Variants in MERTK observed in about 807,000 individuals in gnomAD.
MERTK encodes tyrosine-protein kinase Mer.
In MERTK, 69 loss-of-function variants were observed where a neutral mutation model predicts 99.3. The ratio of observed to expected loss-of-function variants is 0.70; its 90% CI spans 0.57 to 0.85. The LOEUF is 0.85. Among genes scored for constraint, MERTK ranks in the 40% least tolerant of loss-of-function variants. The probability of loss-of-function intolerance (pLI) is 0.00; values close to 1 mark genes in which losing one functional copy is unlikely to be tolerated. For missense variants in MERTK, 1,125 were observed against 1,249.4 expected (o/e 0.90, Z 1.50); for synonymous variants, 426 against 467.6 (o/e 0.91, Z 1.15).
At chr2:111,991,946 TG>T (rs1676629170) in intron 8 of MERTK, among the ~76,000 whole-genome samples, 1 of 152,300 alleles carries the variant, frequency 6.6e-6, no homozygotes, top group East Asian at 1.9e-4. Flanking sequence ...CTATAATGTT[TG>T]GGCACTTTAG....
chr2:112,009,951 T>A lies in MERTK; in HGVS notation c.1964T>A (p.Val655Glu), dbSNP rs1573638319. Residue 655 changes from valine to glutamate, a missense_variant, in exon 15 of 19, where the codon GTG (valine) becomes GAG (glutamate). Val to Glu is a moderately radical substitution (Grantham distance 121). Coordinates refer to ENST00000295408, the MANE Select transcript of MERTK (RefSeq NM_006343.3). ...SHPNVIRLLG[V>E]CIEMSSQGIP... ...GATGCTGTGTTTGTAATTTCAGGTG[T>A]GTGTATAGAAATGAGCTCTCAAGGC... 1 of 1,603,894 alleles carries A rather than the reference T, an allele frequency of 6.2e-7. No individual in the cohort carries two copies. Among genetic ancestry groups the A allele is most frequent in the Non-Finnish European group, 8.5e-7 (1 of 1,170,764 alleles).
At chr2:111,980,412 CTTTTTT>C (rs34831521) in intron 7 of MERTK, among the ~76,000 whole-genome samples, 3 of 100,980 alleles carry the variant, frequency 3.0e-5, no homozygotes, top group African/African-American at 1.1e-4. Context: ...GCAACTATTT[CTTTTTT>C]TTTTTTTTTT....
Position 111,929,160 on chromosome 2 carries a change from A to G in MERTK, c.102A>G (p.Leu34=), listed in dbSNP as rs143215350. The stretch of plus-strand genomic sequence containing the variant: ...GGGAAGAAGCCAAGCCTTACCCGCT[A>G]TTCCCGGGACCTTTTCCAGGGAGCC... The part of the protein sequence containing the change: ...EAREEAKPYP[L]FPGPFPGSLQ... Residue 34 remains leucine, a synonymous_variant, in exon 2 of 19, where the codon CTA becomes CTG. Coordinates refer to ENST00000295408, the MANE Select transcript of MERTK (RefSeq NM_006343.3). The G allele has an allele frequency of 1.3e-3, 2,085 of 1,613,986 alleles. 29 individuals carry two copies. The African/African-American group carries it at 0.025, about 19-fold the overall frequency.
chr2:112,006,939 A>G (rs1676992071), intron 13 of MERTK, among the ~76,000 whole-genome samples: 2 of 152,228 alleles, frequency 1.3e-5, no homozygotes, highest in South Asian at 4.1e-4. Context: ...TAGACACTGC[A>G]TTAGATGCCC....
chr2:111,964,249 T>C (rs1216173225), intron 4 of MERTK, among the ~76,000 whole-genome samples: 1 of 152,174 alleles, frequency 6.6e-6, no homozygotes, highest in Non-Finnish European at 1.5e-5. Context: ...GATATTTTTT[T>C]CTTCTTTGGG....
At chr2:112,013,449 A>G (rs1261712345) in intron 15 of MERTK, 1 of 154,316 alleles carries the variant, frequency 6.5e-6, no homozygotes, top group Non-Finnish European at 1.5e-5. Flanking sequence ...CTCATTGTTC[A>G]CTCAATGCCT....
At chr2:111,905,723 C>A (rs1684125507) in intron 1 of MERTK, among the ~76,000 whole-genome samples, 1 of 152,140 alleles carries the variant, frequency 6.6e-6, no homozygotes, top group African/African-American at 2.4e-5. Context: ...CCCACCTCAG[C>A]CTCCCAAAGT....
rs139577858 is a variant in MERTK at position 111,899,595 on chromosome 2, G to T, written c.61+799G>T. Among the ~76,000 whole-genome samples the T allele has an allele frequency of 4.3e-3, 658 of 152,038 alleles. 5 individuals carry two copies. Among genetic ancestry groups the T allele is most frequent in the African/African-American group, 0.014 (562 of 41,454 alleles). On this transcript the variant is annotated intron_variant, in intron 1 of 18. Transcript: ENST00000295408. ...TGCCGCGGCGCGATCTCGGCTCACTGCAGGCTCCGCCTCCCGGGTTCAAGC... is the reference window on the plus strand; with the variant it reads ...TGCCGCGGCGCGATCTCGGCTCACTTCAGGCTCCGCCTCCCGGGTTCAAGC...
rs370677990 is a variant in MERTK at position 111,969,730 on chromosome 2, T to C, written c.960+1478T>C. Among the ~76,000 whole-genome samples the C allele has an allele frequency of 6.5e-3, 968 of 149,264 alleles. 13 individuals carry two copies. The highest frequency in any genetic ancestry group is 0.022 in the African/African-American group (902 of 40,400). The stretch of plus-strand genomic sequence containing the variant: ...TTTTTGAGACAGAGTCTCGCTCTGT[T>C]GCCCAGGCTGGAGTGCAGTGGCGCG... On this transcript the variant is annotated intron_variant, in intron 6 of 18. Coordinates refer to ENST00000295408, the MANE Select transcript of MERTK (RefSeq NM_006343.3).
intron 9 of MERTK, chr2:111,996,650 T>TA (rs1170598971): frequency 6.2e-6 from 1 of 161,376 alleles, no homozygotes; most frequent in East Asian, 1.8e-4. Context: ...AAGGTGAACT[T>TA]ATGCACATAC....
At chr2:111,942,875 A>G (rs191663871) in intron 2 of MERTK, among the ~76,000 whole-genome samples, 40 of 152,330 alleles carry the variant, frequency 2.6e-4, no homozygotes, top group African/African-American at 8.7e-4. Context: ...GACTGATGCC[A>G]TTGTTGAGCT....
At chr2:111,928,415 T>C (rs1454791157) in intron 1 of MERTK, among the ~76,000 whole-genome samples, 2 of 151,452 alleles carry the variant, frequency 1.3e-5, no homozygotes, top group South Asian at 4.2e-4. Flanking sequence ...TTTTTTTTTT[T>C]CGAACCTCAA....
At chr2:111,981,844 T>C (rs1676379662) in intron 7 of MERTK, among the ~76,000 whole-genome samples, 1 of 152,144 alleles carries the variant, frequency 6.6e-6, no homozygotes, top group South Asian at 2.1e-4. Flanking sequence ...GTGGCTGCAT[T>C]CTGAGCTCAG....
chr2:111,901,398 C>T (rs1004449850), intron 1 of MERTK, among the ~76,000 whole-genome samples: 1 of 152,052 alleles, frequency 6.6e-6, no homozygotes, highest in Non-Finnish European at 1.5e-5. Flanking sequence ...AAACATCTTC[C>T]CAGAGGGAAC....
intron 2 of MERTK, among the ~76,000 whole-genome samples, chr2:111,941,537 G>A (rs1573587739): frequency 2.6e-5 from 4 of 152,128 alleles, no homozygotes; most frequent in African/African-American, 2.4e-5. Context: ...CTAGATTGCT[G>A]TTCTGAGCCC....
chr2:112,008,542 A>G (rs776404991), intron 14 of MERTK, 67 bp downstream of exon 14: 4 of 1,191,052 alleles, frequency 3.4e-6, no homozygotes, highest in Admixed American at 1.7e-5. Flanking sequence ...TGCCAAAGGA[A>G]AAAATCTCTG....
chr2:112,015,009 T>C (rs1431867296), intron 15 of MERTK, among the ~76,000 whole-genome samples: 1 of 152,250 alleles, frequency 6.6e-6, no homozygotes, highest in Non-Finnish European at 1.5e-5. Context: ...AAGCTGTGTA[T>C]ATCAATAGTT....
chr2:111,907,257 A>G (rs921144465), intron 1 of MERTK, among the ~76,000 whole-genome samples: 4 of 152,078 alleles, frequency 2.6e-5, no homozygotes, highest in East Asian at 1.9e-4. Context: ...TCTACTAAAT[A>G]CAAAAAATTA....
At chr2:111,922,903 T>C (rs1684491310) in intron 1 of MERTK, among the ~76,000 whole-genome samples, 1 of 152,216 alleles carries the variant, frequency 6.6e-6, no homozygotes, top group African/African-American at 2.4e-5. Flanking sequence ...GTTGATCACA[T>C]GGAAAATAAC....
Sources: allele counts gnomAD v4.1 joint callset (sites outside exome capture counted in the v4.1 genomes callset), GRCh38; gene constraint gnomAD v4.1.1; transcripts MANE v1.5; gene names NCBI Gene and HGNC (gene_info 2026-07-23, HGNC 2026-07-21).